MATR3: variants seen among roughly 807,000 people sequenced by gnomAD.
MATR3 encodes the protein matrin-3.
A neutral mutation model predicts 85.5 loss-of-function variants in MATR3; 4 were observed. The ratio of observed to expected loss-of-function variants is 0.05; its 90% CI spans 0.02 to 0.11. The LOEUF (loss-of-function observed/expected upper bound fraction) is 0.11. MATR3 is among the 10% of genes least tolerant of loss of function. MATR3 has a pLI of 1.00. For missense variants in MATR3, 685 were observed against 1,016.1 expected (o/e 0.67, Z 4.43); for synonymous variants, 336 against 343.1 (o/e 0.98, Z 0.23).
At chr5:139,278,786 C>T (rs778810762) in intron 2 of MATR3, 7 of 505,260 alleles carry the variant, frequency 1.4e-5, no homozygotes, top group Admixed American at 3.9e-5. Context: ...AATCATCCAG[C>T]GGTTGTCAGC....
At chr5:139,317,758 T>G in intron 7 of MATR3, 37 bp downstream of exon 7, 1 of 1,498,360 alleles carries the variant, frequency 6.7e-7, no homozygotes, top group East Asian at 2.4e-5. Context: ...CATTTATTCA[T>G]GCCACTAATA....
intron 12 of MATR3, 134 bp from the exon 13 acceptor site, chr5:139,325,306 C>T (rs1381788197): frequency 4.1e-5 from 64 of 1,559,308 alleles, no homozygotes; most frequent in Non-Finnish European, 5.3e-5. Flanking sequence ...CGTCGTTTTC[C>T]AGGGAGTATG....
Position 139,307,678 on chromosome 5 carries a change from A to G in MATR3, c.263A>G (p.Asn88Ser). 6.2e-7 allele frequency: 1 copy of G among 1,614,152 alleles called. No homozygotes were observed. The highest frequency in any genetic ancestry group is 8.5e-7 in the Non-Finnish European group (1 of 1,180,010). ...TCCCATAATTTGCAGTCTATATTTA[A>G]CATTGGAAGTAGAGGTCCACTCCCT... ...TSSHNLQSIF[N>S]IGSRGPLPLS... Residue 88 changes from asparagine (N) to serine (S), a missense_variant, in exon 2 of 15, where the codon AAC becomes AGC. Asn to Ser is a conservative substitution (Grantham distance 46). Around this residue, in one of 9 missense-constraint regions of MATR3, gnomAD observed 57 missense variants for 68.6 expected, o/e 0.83. Transcript: ENST00000394805. The surrounding 1 kb of genome is among the most constrained non-coding windows in gnomAD (Gnocchi z 4.4).
At chr5:139,277,181 C>T (rs1489450930) in intron 2 of MATR3, among the ~76,000 whole-genome samples, 2 of 147,424 alleles carry the variant, frequency 1.4e-5, no homozygotes, top group East Asian at 3.9e-4. Context: ...ATTATGTTGC[C>T]CAGGCTTTAG....
At chr5:139,283,864 C>T (rs573305857) in intron 3 of MATR3, among the ~76,000 whole-genome samples, 2 of 152,244 alleles carry the variant, frequency 1.3e-5, no homozygotes, top group Admixed American at 6.5e-5. Context: ...TACCTGTCTA[C>T]ACATGCTGTT....
intron 13 of MATR3, 89 bp downstream of exon 13, chr5:139,325,751 C>A (rs1755823980): frequency 3.5e-6 from 4 of 1,158,112 alleles, no homozygotes; most frequent in Non-Finnish European, 5.1e-6. Context: ...GTTGGTCTTA[C>A]ATAAGCTGTG....
At chr5:139,323,058 T>C (rs973826278) in intron 12 of MATR3, 91 bp downstream of exon 12, 7 of 1,300,466 alleles carry the variant, frequency 5.4e-6, no homozygotes, top group African/African-American at 4.5e-5. Context: ...GATAGAATTA[T>C]ATGATTTAAA....
rs568396556 is a variant in MATR3, at chr5:139,330,032, T to C, written c.*637T>C. On this transcript the variant is annotated 3_prime_UTR_variant, in exon 15 of 15. Coordinates refer to ENST00000394805, the MANE Select transcript of MATR3 (RefSeq NM_018834.6). Reference sequence around the variant, plus strand: ...CCTGCTAGATTTCGTATTCTAGTAGTCAATGTATTTTCAGTGAAATGCAAA... The same window carrying C: ...CCTGCTAGATTTCGTATTCTAGTAGCCAATGTATTTTCAGTGAAATGCAAA... 2.2e-6 allele frequency: 1 copy of C among 454,426 alleles called. No individual in the cohort carries two copies. Among genetic ancestry groups the C allele is most frequent in the Admixed American group, 2.4e-5 (1 of 42,552 alleles). The allele number at this position is 454,426 out of a possible 1,614,324, so 28.1% of individuals were successfully genotyped here. A position where few individuals can be genotyped will look rare whatever the true frequency, so the allele number is the denominator to read the frequency against.
upstream of MATR3, among the ~76,000 whole-genome samples, chr5:139,292,276 A>G (rs566478374): frequency 1.2e-4 from 19 of 152,254 alleles, no homozygotes; most frequent in Non-Finnish European, 2.1e-4. Flanking sequence ...ATAACCTTTT[A>G]ATGTCTCAGT....
chr5:139,306,392 T>G (rs1477236523), intron 1 of MATR3, among the ~76,000 whole-genome samples: 1 of 152,218 alleles, frequency 6.6e-6, no homozygotes, highest in Non-Finnish European at 1.5e-5. Context: ...GCTCTAGATG[T>G]GCTGTAGCCC....
chr5:139,328,142 G>A (rs1213792633), intron 14 of MATR3, among the ~76,000 whole-genome samples: 1 of 151,152 alleles, frequency 6.6e-6, no homozygotes, highest in Admixed American at 6.6e-5. Context: ...GATTACAGGC[G>A]TGAGCCATCA....
intron 9 of MATR3, among the ~76,000 whole-genome samples, chr5:139,319,844 CA>C (rs1208978797): frequency 1.9e-3 from 116 of 60,486 alleles, no homozygotes; most frequent in South Asian, 0.016. Flanking sequence ...ACTCCCAACT[CA>C]AAAAAAAAAA....
intron 3 of MATR3, among the ~76,000 whole-genome samples, chr5:139,282,083 A>G (rs1753550714): frequency 6.6e-6 from 1 of 152,230 alleles, no homozygotes; most frequent in Admixed American, 6.5e-5. Flanking sequence ...AGAGGTGGCT[A>G]AGTGCCTAGG....
At chr5:139,291,850 T>C (rs2151908534), upstream of MATR3, 1 of 152,190 alleles carries the variant, frequency 6.6e-6, no homozygotes, top group South Asian at 2.1e-4. Context: ...AGTAACTTCA[T>C]TTTTATGGCT....
intron 1 of MATR3, among the ~76,000 whole-genome samples, chr5:139,297,862 A>G (rs1754236409): frequency 6.6e-6 from 1 of 152,234 alleles, no homozygotes; most frequent in African/African-American, 2.4e-5. Context: ...CAAACCTTAA[A>G]AACATCTTAT....
chr5:139,325,979 AG>A (rs1399967208), intron 13 of MATR3, among the ~76,000 whole-genome samples, 183 bp from the exon 14 acceptor site: 2 of 152,190 alleles, frequency 1.3e-5, no homozygotes, highest in Non-Finnish European at 2.9e-5. Context: ...GAATACAGTT[AG>A]GTGAGACCTC....
intron 2 of MATR3, among the ~76,000 whole-genome samples, chr5:139,277,468 C>T (rs758564945): frequency 2.0e-4 from 31 of 152,116 alleles, no homozygotes; most frequent in Non-Finnish European, 2.9e-4. Flanking sequence ...AGGATTCTCT[C>T]AACTAAATGT....
At position 139,308,276 on chromosome 5, in the gene MATR3, G is replaced by C; in HGVS notation, c.861G>C (p.Lys287Asn). ...NIEDFHGLLP[K>N]GYPHLCSICD... ...AAGACTTCCATGGACTCTTACCGAA[G>C]GGTTATCCCCATCTGTGCTCTATAT... The change falls in exon 2 of 15, where the codon AAG becomes AAC. Residue 287 changes from lysine (K) to asparagine (N), a missense_variant. By Grantham distance (94) the Lys-to-Asn change is moderately conservative (BLOSUM62 0). Coordinates refer to ENST00000394805, the MANE Select transcript of MATR3 (RefSeq NM_018834.6). 1 of 1,614,082 alleles carries C rather than the reference G, an allele frequency of 6.2e-7. No individual in the cohort carries two copies. Among genetic ancestry groups the C allele is most frequent in the Non-Finnish European group, 8.5e-7 (1 of 1,179,992 alleles).
At position 139,330,737 on chromosome 5, in the gene MATR3, C is replaced by T; in HGVS notation, c.*1342C>T. Reference sequence around the variant, plus strand: ...TAATACGGATGAGCAAGAATTAGTTCTGCAGCTTTTCAAAATAATTACGTA... The same window carrying T: ...TAATACGGATGAGCAAGAATTAGTTTTGCAGCTTTTCAAAATAATTACGTA... On this transcript the variant is annotated 3_prime_UTR_variant, in exon 15 of 15. Coordinates refer to ENST00000394805, the MANE Select transcript of MATR3 (RefSeq NM_018834.6). 4.4e-6 allele frequency: 2 copies of T among 454,080 alleles called. No individual in the cohort carries two copies. The highest frequency in any genetic ancestry group is 8.8e-6 in the Non-Finnish European group (2 of 226,782). The allele number at this position is 454,080 out of a possible 1,614,324, so 28.1% of individuals were successfully genotyped here.
Sources: allele counts gnomAD v4.1 joint callset (sites outside exome capture counted in the v4.1 genomes callset), GRCh38; gene constraint gnomAD v4.1.1; regional missense constraint gnomAD v4.1.1; non-coding constraint Gnocchi (gnomAD v3.1); transcripts MANE v1.5; gene names NCBI Gene and HGNC (gene_info 2026-07-23, HGNC 2026-07-21).